Variants in AHI1 observed in about 807,000 individuals in gnomAD.
The protein encoded by AHI1 is Abelson helper integration site 1.
A neutral mutation model predicts 149.3 loss-of-function variants in AHI1; 123 were observed. The observed-to-expected ratio is 0.82, with a 90% CI of 0.71 to 0.96. AHI1 has a LOEUF of 0.96. Among genes scored for constraint, AHI1 ranks in the 40% least tolerant of loss-of-function variants. AHI1 has a pLI of 0.00. For missense variants in AHI1, 1,439 were observed against 1,422.7 expected, an observed-to-expected ratio of 1.01 and a Z score of -0.18; for synonymous variants, 475 against 459.8, an observed-to-expected ratio of 1.03 and a Z score of -0.42.
intron 3 of AHI1, 53 bp from the exon 4 acceptor site, chr6:135,492,344 A>G: frequency 1.4e-6 from 2 of 1,466,674 alleles, no homozygotes; most frequent in South Asian, 3.0e-5. Flanking sequence ...AATAAAAATT[A>G]TAAAACGTTC....
intron 5 of AHI1, among the ~76,000 whole-genome samples, chr6:135,473,076 A>G (rs905755353): frequency 7.2e-5 from 11 of 152,244 alleles, no homozygotes; most frequent in Middle Eastern, 3.4e-3. Context: ...TGTTTCTCTT[A>G]TAAGTTCTAC....
intron 22 of AHI1, among the ~76,000 whole-genome samples, chr6:135,403,963 G>A (rs1780385671): frequency 6.6e-6 from 1 of 151,240 alleles, no homozygotes; most frequent in Non-Finnish European, 1.5e-5. Context: ...TCAGGAAAGC[G>A]ACAATAGCCT....
Position 135,394,874 on chromosome 6 carries a change from G to GT in AHI1, c.3010dup (p.Thr1004AsnfsTer12). 3 of 1,600,760 alleles carry GT rather than the reference G, an allele frequency of 1.9e-6. No homozygotes were observed. The highest frequency in any genetic ancestry group is 2.6e-6 in the Non-Finnish European group (3 of 1,172,638). ...TTGTGAGGAAACTGCTGGTGGTGAA[G>GT]TAAATGAGAGATTTTTGTTGACCTG... On this transcript the variant is annotated frameshift_variant, in exon 23 of 29. Coordinates refer to ENST00000265602, the MANE Select transcript of AHI1 (RefSeq NM_001134831.2). LOFTEE classifies it high-confidence loss of function.
In AHI1 at chr6:135,439,765, T is replaced by C. The variant is rs186278352; in HGVS notation, c.1913-1267A>G. ...AATCTGTGGGTGGAAAGCATGAGCA[T>C]ACATGTGTTTCTACTGATGGCAATC... On this transcript the variant is annotated intron_variant, in intron 14 of 28. Coordinates refer to ENST00000265602, the MANE Select transcript of AHI1 (RefSeq NM_001134831.2). Among the ~76,000 whole-genome samples the C allele has an allele frequency of 3.3e-5, 5 of 152,274 alleles. No homozygotes were observed. The East Asian group carries it at 5.8e-4, about 18-fold the overall frequency.
intron 23 of AHI1, among the ~76,000 whole-genome samples, chr6:135,376,264 CTAAG>C (rs1775902319): frequency 1.3e-5 from 2 of 152,016 alleles, no homozygotes; most frequent in South Asian, 4.2e-4. Context: ...ACTAAGCCCA[CTAAG>C]TAAGGAACAC....
In AHI1 at chr6:135,300,522, G is replaced by A. The variant is rs1189911255; in HGVS notation, c.3463C>T (p.Leu1155=). 6.2e-7 allele frequency: 1 copy of A among 1,609,118 alleles called. No individual in the cohort carries two copies. Among genetic ancestry groups the A allele is most frequent in the Non-Finnish European group, 8.5e-7 (1 of 1,177,702 alleles). Residue 1155 remains leucine, a synonymous_variant, in exon 27 of 29, where the codon CTA becomes TTA. Coordinates refer to ENST00000265602, the MANE Select transcript of AHI1 (RefSeq NM_001134831.2). ...INKNKSQDFR[L]GSESMTHSEM... ...TACTGTGTCATAGATTCTGAGCCTA[G>A]TCTGAAGTCCTGGGACTTGTTCTTA... is the stretch of plus-strand genomic sequence containing the variant.
At chr6:135,439,569 GA>G (rs931074824) in intron 14 of AHI1, among the ~76,000 whole-genome samples, 8 of 151,062 alleles carry the variant, frequency 5.3e-5, no homozygotes, top group African/African-American at 1.2e-4. Flanking sequence ...AAAAAGGAAA[GA>G]AAAAAAAATC....
Position 135,385,426 on chromosome 6 carries a change from T to C in AHI1, c.3109+9350A>G, listed in dbSNP as rs532017452. 2.6e-5 allele frequency among the ~76,000 whole-genome samples: 4 copies of C among 152,260 alleles called. No individual in the cohort carries two copies. The South Asian group carries it at 6.2e-4, about 24-fold the overall frequency. ...AGAGAATGTGGTATCCCAGAAACCATGTATTTAGAAGTGATCCAATGTGTC... is the reference window on the plus strand; with the variant it reads ...AGAGAATGTGGTATCCCAGAAACCACGTATTTAGAAGTGATCCAATGTGTC... On this transcript the variant is annotated intron_variant, in intron 23 of 28. Transcript: ENST00000265602.
At chr6:135,346,802 T>C (rs1255078005) in intron 24 of AHI1, among the ~76,000 whole-genome samples, 1 of 152,122 alleles carries the variant, frequency 6.6e-6, no homozygotes, top group Non-Finnish European at 1.5e-5. Context: ...GTAGCCTAGT[T>C]TGAAGTATAG....
intron 27 of AHI1, among the ~76,000 whole-genome samples, chr6:135,292,548 G>T (rs9494212): frequency 0.056 from 8,593 of 152,198 alleles, 439 homozygotes; most frequent in African/African-American, 0.13. Context: ...AGACGATGAA[G>T]ATCTGCAAAA....
intron 11 of AHI1, among the ~76,000 whole-genome samples, chr6:135,452,221 G>T (rs1451178319): frequency 6.6e-6 from 1 of 152,172 alleles, no homozygotes; most frequent in Non-Finnish European, 1.5e-5. Flanking sequence ...ACATTTTATA[G>T]ATCATATTTG....
intron 26 of AHI1, 120 bp downstream of exon 26, chr6:135,318,399 A>G: frequency 1.4e-6 from 1 of 726,558 alleles, no homozygotes; most frequent in South Asian, 1.9e-5. Context: ...TGTTTGTACC[A>G]AGACATAAAA....
chr6:135,415,870 A>G (rs1024093531), intron 20 of AHI1, among the ~76,000 whole-genome samples: 1 of 152,206 alleles, frequency 6.6e-6, no homozygotes. Flanking sequence ...CAGATTTATC[A>G]AAGTAATTAT....
chr6:135,299,208 A>G (rs1201796498), intron 27 of AHI1, among the ~76,000 whole-genome samples: 1 of 152,224 alleles, frequency 6.6e-6, no homozygotes, highest in Non-Finnish European at 1.5e-5. Context: ...CTAGATCATG[A>G]TTCTGTGACT....
intron 27 of AHI1, among the ~76,000 whole-genome samples, chr6:135,295,442 T>C (rs1782960834): frequency 1.3e-5 from 2 of 152,242 alleles, no homozygotes; most frequent in African/African-American, 4.8e-5. Flanking sequence ...CCTTCTTCAA[T>C]GCCTCTTTCA....
At chr6:135,465,005 T>C (rs1261032553) in intron 7 of AHI1, among the ~76,000 whole-genome samples, 1 of 152,316 alleles carries the variant, frequency 6.6e-6, no homozygotes, top group South Asian at 2.1e-4. Context: ...TAATATATAC[T>C]ATCATGTCCC....
chr6:135,360,783 C>T (rs1456522640), intron 23 of AHI1, among the ~76,000 whole-genome samples: 1 of 152,034 alleles, frequency 6.6e-6, no homozygotes, highest in Non-Finnish European at 1.5e-5. Context: ...TCCGAATGAA[C>T]TCAGGAATAT....
At chr6:135,363,965 G>C (rs1251750764) in intron 23 of AHI1, among the ~76,000 whole-genome samples, 2 of 147,126 alleles carry the variant, frequency 1.4e-5, no homozygotes, top group African/African-American at 5.0e-5. Flanking sequence ...CCTCCCTCCC[G>C]GACGGGGCGG....
chr6:135,428,600 A>G (rs755535934), intron 19 of AHI1, 29 bp downstream of exon 19: 24 of 1,585,924 alleles, frequency 1.5e-5, no homozygotes, highest in Non-Finnish European at 2.1e-5. Context: ...ACCTCCCCAA[A>G]TGATTTTTAA....
Sources: allele counts gnomAD v4.1 joint callset (sites outside exome capture counted in the v4.1 genomes callset), GRCh38; gene constraint gnomAD v4.1.1; transcripts MANE v1.5; gene names NCBI Gene and HGNC (gene_info 2026-07-23, HGNC 2026-07-21).